Variants in ZBTB37 observed in about 807,000 individuals in gnomAD.
The protein encoded by ZBTB37 is zinc finger and BTB domain containing 37.
A neutral mutation model predicts 37.7 loss-of-function variants in ZBTB37; 15 were observed. The ratio of observed to expected loss-of-function variants is 0.40; its 90% CI spans 0.27 to 0.61. ZBTB37 has a LOEUF of 0.61. Among genes scored for constraint, ZBTB37 ranks in the 20% least tolerant of loss-of-function variants. The probability of loss-of-function intolerance (pLI) is 0.44; values close to 1 mark genes in which losing one functional copy is unlikely to be tolerated. For synonymous variants in ZBTB37, 231 were observed against 220.6 expected (o/e 1.05, Z -0.42); for missense variants, 514 against 641.9 (o/e 0.80, Z 2.15).
intron 4 of ZBTB37, among the ~76,000 whole-genome samples, chr1:173,881,030 G>A (rs1656273322): frequency 6.6e-6 from 1 of 151,210 alleles, no homozygotes; most frequent in African/African-American, 2.4e-5. Context: ...ATGTATACAT[G>A]TGCCATGTTG....
exon 4 of ZBTB37, chr1:173,894,159 AC>A (rs1172091169): frequency 1.3e-5 from 2 of 152,250 alleles, no homozygotes; most frequent in East Asian, 3.8e-4. Flanking sequence ...CAAGGGAGTC[AC>A]CCGTGTGGTT....
chr1:173,902,538 A>C (rs1657305076), exon 4 of ZBTB37: 1 of 152,224 alleles, frequency 6.6e-6, no homozygotes, highest in African/African-American at 2.4e-5. Context: ...GTGCTCTTGC[A>C]CCACTGAGGG....
intron 4 of ZBTB37, among the ~76,000 whole-genome samples, chr1:173,883,010 G>T (rs1295516965): frequency 6.6e-6 from 1 of 152,156 alleles, no homozygotes; most frequent in African/African-American, 2.4e-5. Context: ...CACTTTACAG[G>T]TGAGGAAACT....
intron 4 of ZBTB37, among the ~76,000 whole-genome samples, chr1:173,883,277 G>A (rs996098924): frequency 1.3e-5 from 2 of 152,128 alleles, no homozygotes; most frequent in African/African-American, 2.4e-5. Flanking sequence ...TCGGGAGTTC[G>A]AGATCAGCCT....
intron 3 of ZBTB37, among the ~76,000 whole-genome samples, chr1:173,871,349 A>C (rs113535536): frequency 0.01 from 1,594 of 152,324 alleles, 18 homozygotes; most frequent in Non-Finnish European, 0.015. Flanking sequence ...AAGTATTCAC[A>C]ATGTTGTGAG....
chr1:173,884,722 TATA>T (rs1656527601), intron 4 of ZBTB37, among the ~76,000 whole-genome samples: 2 of 152,276 alleles, frequency 1.3e-5, no homozygotes, highest in African/African-American at 2.4e-5. Context: ...TGTCACAATT[TATA>T]ATATGTTGCC....
intron 4 of ZBTB37, among the ~76,000 whole-genome samples, chr1:173,874,415 A>G (rs998034841): frequency 1.3e-5 from 2 of 151,250 alleles, no homozygotes; most frequent in African/African-American, 2.4e-5. Flanking sequence ...CAGTGGTGCA[A>G]TCTCGGCTCA....
At chr1:173,896,498 A>G (rs1379474592) in exon 4 of ZBTB37, 1 of 152,214 alleles carries the variant, frequency 6.6e-6, no homozygotes. Context: ...GTTTGAAATC[A>G]TTTGGTGTTT....
At chr1:173,869,070 G>C (rs1655295940) in exon 2 of ZBTB37, 1 of 152,642 alleles carries the variant, frequency 6.6e-6, no homozygotes, top group Non-Finnish European at 1.5e-5. Flanking sequence ...ATCGACAGAG[G>C]CTCTTATTGG....
chr1:173,882,237 CTTTTTTTT>C, intron 4 of ZBTB37, among the ~76,000 whole-genome samples: 1 of 87,972 alleles, frequency 1.1e-5, no homozygotes, highest in South Asian at 4.0e-4. Flanking sequence ...ATGGTAGTTT[CTTTTTTTT>C]TTTTTTTTTT....
exon 4 of ZBTB37, chr1:173,894,094 G>T (rs1188699594): frequency 6.6e-6 from 1 of 152,208 alleles, no homozygotes; most frequent in Non-Finnish European, 1.5e-5. Flanking sequence ...TGATGCAGTT[G>T]ATCTCTGAGC....
Position 173,873,486 on chromosome 1 carries a change from G to C in ZBTB37, c.943G>C (p.Val315Leu), listed in dbSNP as rs1165308142. 6.2e-7 allele frequency: 1 copy of C among 1,612,962 alleles called. No individual in the cohort carries two copies. The highest frequency in any genetic ancestry group is 1.3e-5 in the African/African-American group (1 of 74,866). ...CAACAGATTTAGCCCCTCCGGCAGT[G>C]TTGTTCCCTTGACAGAGAGACACAG... The change falls in exon 4 of 5, where the codon GTT becomes CTT. Residue 315 changes from valine (V) to leucine (L), a missense_variant. Coordinates refer to ENST00000427304, the Ensembl canonical transcript of ZBTB37.
At chr1:173,880,876 A>G (rs1279116547) in intron 4 of ZBTB37, among the ~76,000 whole-genome samples, 1 of 152,132 alleles carries the variant, frequency 6.6e-6, no homozygotes, top group Non-Finnish European at 1.5e-5. Flanking sequence ...TGATTACTAA[A>G]ATGCATTTAC....
At chr1:173,886,153 T>C (rs1656611959) in exon 5 of ZBTB37, 2 of 1,535,960 alleles carry the variant, frequency 1.3e-6, no homozygotes, top group Non-Finnish European at 1.8e-6. Flanking sequence ...GCTGACCCTC[T>C]TCCCCTATGA....
At position 173,870,071 on chromosome 1, in the gene ZBTB37, A is replaced by C. The variant is rs1295334141; in HGVS notation, c.-29-126A>C. 6 of 617,874 alleles carry C rather than the reference A, an allele frequency of 9.7e-6. No individual in the cohort carries two copies. In the South Asian group the frequency reaches 1.3e-4, roughly 13 times the overall value. The allele number at this position is 617,874 out of a possible 1,614,324, so 38.3% of individuals were successfully genotyped here. A position where few individuals can be genotyped will look rare whatever the true frequency, so the allele number is the denominator to read the frequency against. ...TCTGTTTCCACATCTAAATATAAGGAAGGTATTTCTTTTATCTGGAGATTT... is the reference window on the plus strand; with the variant it reads ...TCTGTTTCCACATCTAAATATAAGGCAGGTATTTCTTTTATCTGGAGATTT... On this transcript the variant is annotated intron_variant, in intron 2 of 4. Transcript: ENST00000427304.
exon 4 of ZBTB37, chr1:173,894,838 G>A (rs1656983661): frequency 6.6e-6 from 1 of 152,124 alleles, no homozygotes; most frequent in African/African-American, 2.4e-5. Context: ...ACTCTTTGGT[G>A]TTTATTCATC....
chr1:173,877,418 G>C (rs1477606870), intron 4 of ZBTB37, among the ~76,000 whole-genome samples: 1 of 111,016 alleles, frequency 9.0e-6, no homozygotes, highest in Non-Finnish European at 1.7e-5. Context: ...ATCTCACTTT[G>C]TCGTCCAGGC....
chr1:173,875,685 A>T (rs1655927710), intron 4 of ZBTB37, among the ~76,000 whole-genome samples: 1 of 150,666 alleles, frequency 6.6e-6, no homozygotes, highest in South Asian at 2.1e-4. Flanking sequence ...ACAGGGTCTC[A>T]CTCTGGTTGA....
exon 4 of ZBTB37, chr1:173,898,918 CAG>C (rs1657155731): frequency 6.6e-6 from 1 of 152,194 alleles, no homozygotes; most frequent in Admixed American, 6.5e-5. Flanking sequence ...AATGTCTAAA[CAG>C]GGATTCTCTG....
Sources: allele counts gnomAD v4.1 joint callset (sites outside exome capture counted in the v4.1 genomes callset), GRCh38; gene constraint gnomAD v4.1.1; transcripts MANE v1.5; gene names NCBI Gene and HGNC (gene_info 2026-07-23, HGNC 2026-07-21).